DAB1: variants seen among roughly 807,000 people sequenced by gnomAD.
DAB1 encodes DAB adaptor protein 1, also known as disabled homolog 1.
DAB1 carries 15 observed loss-of-function variants against 64.6 expected under a neutral mutation model. The observed-to-expected ratio is 0.23, with a 90% confidence interval of 0.16 to 0.36. The LOEUF (loss-of-function observed/expected upper bound fraction) is 0.36. Among genes scored for constraint, DAB1 ranks in the 10% least tolerant of loss-of-function variants. The probability of loss-of-function intolerance (pLI) is 1.00; values close to 1 mark genes in which losing one functional copy is unlikely to be tolerated. For synonymous variants in DAB1, 235 were observed against 251.9 expected, an observed-to-expected ratio of 0.93 and a Z score of 0.64; for missense variants, 596 against 706.7, an observed-to-expected ratio of 0.84 and a Z score of 1.78.
intron 6 of DAB1, among the ~76,000 whole-genome samples, chr1:57,709,652 C>T (rs777653103): frequency 8.5e-5 from 13 of 152,156 alleles, no homozygotes; most frequent in South Asian, 2.1e-4. Flanking sequence ...GCTGGTTCTG[C>T]GGCAGAATGC....
In DAB1 at chr1:58,505,970, A is replaced by G. The variant is rs1645982105; in HGVS notation, n.257+90T>C. The stretch of plus-strand genomic sequence containing the variant: ...GTAATCAAAATAGTTAATAGGCTAG[A>G]ACTCTCTTTTACTAAGCAAAAGAAG... On this transcript the variant is annotated intron_variant and non_coding_transcript_variant, in intron 3 of 20. Transcript: ENST00000485760. 4.2e-6 allele frequency: 3 copies of G among 708,174 alleles called. No individual in the cohort carries two copies. In the East Asian group the frequency reaches 7.6e-5, roughly 18 times the overall value. The allele number at this position is 708,174 out of a possible 1,614,324, so 43.9% of individuals were successfully genotyped here. A position where few individuals can be genotyped will look rare whatever the true frequency, so the allele number is the denominator to read the frequency against.
At chr1:57,167,655 T>C (rs547364297) in intron 2 of DAB1, among the ~76,000 whole-genome samples, 6 of 152,312 alleles carry the variant, frequency 3.9e-5, no homozygotes, top group Non-Finnish European at 8.8e-5. Context: ...ATTTAATCTG[T>C]CCAGAACTGA....
At chr1:57,509,053 A>C (rs904378210) in intron 7 of DAB1, among the ~76,000 whole-genome samples, 1 of 152,090 alleles carries the variant, frequency 6.6e-6, no homozygotes, top group Non-Finnish European at 1.5e-5. Context: ...ATATACATAT[A>C]CAAAATACAT....
intron 6 of DAB1, among the ~76,000 whole-genome samples, chr1:57,741,104 G>A (rs758686095): frequency 8.5e-5 from 13 of 152,190 alleles, no homozygotes; most frequent in African/African-American, 2.4e-4. Flanking sequence ...AGAGATGAGC[G>A]TTAGACATTA....
intron 5 of DAB1, among the ~76,000 whole-genome samples, chr1:58,044,094 CCTT>C (rs1557623894): frequency 1.3e-5 from 2 of 152,262 alleles, no homozygotes; most frequent in South Asian, 2.1e-4. Flanking sequence ...CTCCCTCTGT[CCTT>C]CTTTGAAAAA....
intron 7 of DAB1, among the ~76,000 whole-genome samples, chr1:57,536,409 T>C (rs1271925995): frequency 6.6e-6 from 1 of 152,208 alleles, no homozygotes; most frequent in East Asian, 1.9e-4. Context: ...ACAGTGATGC[T>C]TCTGAGGACC....
At chr1:58,375,343 G>T (rs975313712) in intron 3 of DAB1, among the ~76,000 whole-genome samples, 75 of 139,632 alleles carry the variant, frequency 5.4e-4, no homozygotes, top group Admixed American at 8.7e-4. Context: ...TTATTATTTT[G>T]AAATACATCC....
chr1:57,605,799 T>A, intron 7 of DAB1: 3 of 448,044 alleles, frequency 6.7e-6, no homozygotes, highest in Admixed American at 5.5e-5. Flanking sequence ...ATTTGCATTT[T>A]TTTTTTTATT....
chr1:57,592,407 C>T (rs929598280), intron 7 of DAB1, among the ~76,000 whole-genome samples: 1 of 151,798 alleles, frequency 6.6e-6, no homozygotes, highest in Non-Finnish European at 1.5e-5. Flanking sequence ...GTGCAGGGTG[C>T]CCCCATTTGA....
At position 58,450,477 on chromosome 1, in the gene DAB1, C is replaced by T. The variant is rs531224518; in HGVS notation, n.257+55583G>A. 2.8e-4 allele frequency among the ~76,000 whole-genome samples: 42 copies of T among 152,144 alleles called. 1 individual carries two copies. The highest frequency in any genetic ancestry group is 2.4e-3 in the Admixed American group (36 of 15,282). On this transcript the variant is annotated intron_variant and non_coding_transcript_variant, in intron 3 of 20. Transcript: ENST00000485760. ...AAAACAGAATACGGAAAGGAAAAAT[C>T]GAACAGTTGGCTCACGTCTGTAATC...
intron 5 of DAB1, among the ~76,000 whole-genome samples, chr1:57,924,949 T>C (rs1162079443): frequency 6.6e-6 from 1 of 152,174 alleles, no homozygotes; most frequent in Non-Finnish European, 1.5e-5. Flanking sequence ...TTATTAATAG[T>C]ATTTGTATTG....
chr1:57,929,266 C>T (rs144488171), intron 5 of DAB1, among the ~76,000 whole-genome samples: 1 of 152,296 alleles, frequency 6.6e-6, no homozygotes, highest in African/African-American at 2.4e-5. Flanking sequence ...GTCTTTGGCT[C>T]ATATTTAACT....
intron 1 of DAB1, among the ~76,000 whole-genome samples, chr1:57,835,505 A>G (rs1047876557): frequency 9.2e-5 from 14 of 152,142 alleles, no homozygotes; most frequent in Admixed American, 1.3e-4. Context: ...GGGAGCTTTC[A>G]AGTCAGGAAA....
At chr1:57,682,247 A>G (rs1160487430) in intron 6 of DAB1, among the ~76,000 whole-genome samples, 1 of 151,946 alleles carries the variant, frequency 6.6e-6, no homozygotes, top group Non-Finnish European at 1.5e-5. Context: ...CTTTAAAAAA[A>G]TGGGTAAAAA....
At chr1:58,092,350 T>A (rs939054813) in intron 5 of DAB1, among the ~76,000 whole-genome samples, 4 of 150,152 alleles carry the variant, frequency 2.7e-5, no homozygotes, top group South Asian at 4.2e-4. Flanking sequence ...AAAAAAAAAA[T>A]TTAATGCCAC....
chr1:57,612,237 G>A (rs1346777353), intron 7 of DAB1, among the ~76,000 whole-genome samples: 9 of 152,130 alleles, frequency 5.9e-5, no homozygotes, highest in East Asian at 3.9e-4. Context: ...GTGCGTGTGT[G>A]TGTGTAAATT....
intron 9 of DAB1, among the ~76,000 whole-genome samples, chr1:57,053,575 T>A (rs1389990529): frequency 1.3e-5 from 2 of 150,564 alleles, no homozygotes; most frequent in Non-Finnish European, 1.5e-5. Context: ...GAAATTAATG[T>A]CAAATCCAAC....
At chr1:58,513,725 A>T (rs1340083285) in intron 2 of DAB1, among the ~76,000 whole-genome samples, 2 of 152,206 alleles carry the variant, frequency 1.3e-5, no homozygotes, top group African/African-American at 4.8e-5. Context: ...ACCACATGCC[A>T]GGCATTGTTT....
chr1:57,499,850 C>A (rs1644270607), intron 7 of DAB1, among the ~76,000 whole-genome samples: 1 of 152,190 alleles, frequency 6.6e-6, no homozygotes, highest in Non-Finnish European at 1.5e-5. Flanking sequence ...TTGTTCACGT[C>A]CACCTACTAT....
Sources: allele counts gnomAD v4.1 joint callset (sites outside exome capture counted in the v4.1 genomes callset), GRCh38; gene constraint gnomAD v4.1.1; transcripts MANE v1.5; gene names NCBI Gene and HGNC (gene_info 2026-07-23, HGNC 2026-07-21).